Variants in IMMP2L observed in about 807,000 individuals in gnomAD.
IMMP2L encodes mitochondrial inner membrane protease subunit 2.
IMMP2L carries 18 observed loss-of-function variants against 19.3 expected under a neutral mutation model. The ratio of observed to expected loss-of-function variants is 0.93; its 90% CI spans 0.64 to 1.38. The LOEUF (loss-of-function observed/expected upper bound fraction) is 1.38, where lower values mean the gene tolerates loss of function less well. Ranked by LOEUF, IMMP2L falls within the 40% of genes most tolerant of loss-of-function variation. The probability of loss-of-function intolerance (pLI) is 0.00; values close to 1 mark genes in which losing one functional copy is unlikely to be tolerated. For missense variants in IMMP2L, 233 were observed against 218.2 expected, an observed-to-expected ratio of 1.07 and a Z score of -0.43; for synonymous variants, 76 against 73.0, an observed-to-expected ratio of 1.04 and a Z score of -0.21.
At position 110,870,475 on chromosome 7, in the gene IMMP2L, T is replaced by C. The variant is rs564757150; in HGVS notation, c.408+16118A>G. 6.6e-6 allele frequency among the ~76,000 whole-genome samples: 1 copy of C among 152,184 alleles called. No individual in the cohort carries two copies. The highest frequency in any genetic ancestry group is 6.5e-5 in the Admixed American group (1 of 15,274). On this transcript the variant is annotated intron_variant, in intron 5 of 5. Transcript: ENST00000405709. This position sits in a 1 kb window ranked among gnomAD's most constrained non-coding sequence, Gnocchi z 4.2. ...GACCTCATGAAGCTCAATTTTCTATTGGAGGAGATAAAAATATAAACATGA... is the reference window on the plus strand; with the variant it reads ...GACCTCATGAAGCTCAATTTTCTATCGGAGGAGATAAAAATATAAACATGA...
At chr7:110,749,193 G>T (rs534107121) in intron 5 of IMMP2L, among the ~76,000 whole-genome samples, 1 of 152,296 alleles carries the variant, frequency 6.6e-6, no homozygotes, top group South Asian at 2.1e-4. Flanking sequence ...AAACCACAAT[G>T]AGATACCATC....
chr7:111,489,805 A>C (rs1842944965), intron 2 of IMMP2L, among the ~76,000 whole-genome samples: 1 of 152,026 alleles, frequency 6.6e-6, no homozygotes, highest in South Asian at 2.1e-4. Flanking sequence ...CCTGCTACTC[A>C]TTTCACTTAA....
intron 3 of IMMP2L, among the ~76,000 whole-genome samples, chr7:111,134,824 A>T (rs1802181021): frequency 6.6e-6 from 1 of 152,054 alleles, no homozygotes; most frequent in Non-Finnish European, 1.5e-5. Context: ...ACCTGAATAT[A>T]CTCTAAAAAG....
At chr7:111,145,218 A>G (rs928071756) in intron 3 of IMMP2L, among the ~76,000 whole-genome samples, 2 of 152,146 alleles carry the variant, frequency 1.3e-5, no homozygotes, top group African/African-American at 2.4e-5. Flanking sequence ...TTGGATCTTC[A>G]TCTAGCAAGA....
intron 4 of IMMP2L, among the ~76,000 whole-genome samples, chr7:110,948,399 T>C (rs1360968533): frequency 6.6e-6 from 1 of 152,210 alleles, no homozygotes; most frequent in Non-Finnish European, 1.5e-5. Flanking sequence ...ATTAAATTGC[T>C]TTTTTAAAAG....
intron 3 of IMMP2L, among the ~76,000 whole-genome samples, chr7:111,371,761 G>A (rs1830278825): frequency 6.6e-6 from 1 of 152,020 alleles, no homozygotes; most frequent in Non-Finnish European, 1.5e-5. Flanking sequence ...TAAAAGGTGT[G>A]AAGAGGTGGG....
chr7:111,308,666 A>G (rs1045025509), intron 3 of IMMP2L, among the ~76,000 whole-genome samples: 1 of 152,020 alleles, frequency 6.6e-6, no homozygotes, highest in Non-Finnish European at 1.5e-5. Flanking sequence ...CAAATGAGAA[A>G]AAAAAGTACC....
chr7:111,168,869 T>C (rs972461856), intron 3 of IMMP2L, among the ~76,000 whole-genome samples: 6 of 151,666 alleles, frequency 4.0e-5, no homozygotes, highest in African/African-American at 1.5e-4. Flanking sequence ...TTGCAAGGAG[T>C]ACCATAAGAA....
chr7:111,110,451 C>T (rs1340972009), intron 3 of IMMP2L, among the ~76,000 whole-genome samples: 1 of 152,076 alleles, frequency 6.6e-6, no homozygotes, highest in African/African-American at 2.4e-5. Context: ...GGAATGATCA[C>T]AAATATAGAT....
At chr7:111,016,805 T>G in intron 3 of IMMP2L, among the ~76,000 whole-genome samples, 1 of 51,738 alleles carries the variant, frequency 1.9e-5, no homozygotes, top group Non-Finnish European at 3.8e-5. Flanking sequence ...ATATATAATA[T>G]ATACTATATA....
At chr7:110,876,380 A>G in intron 5 of IMMP2L, among the ~76,000 whole-genome samples, 1 of 152,134 alleles carries the variant, frequency 6.6e-6, no homozygotes, top group East Asian at 1.9e-4. Flanking sequence ...TGACACTTTG[A>G]TGGAATATTT....
intron 2 of IMMP2L, among the ~76,000 whole-genome samples, chr7:111,510,437 T>C (rs942073193): frequency 6.6e-6 from 1 of 152,004 alleles, no homozygotes; most frequent in South Asian, 2.1e-4. Flanking sequence ...AGTATAGATA[T>C]CCTGTATATT....
intron 2 of IMMP2L, among the ~76,000 whole-genome samples, chr7:111,513,417 T>G (rs1845621020): frequency 6.6e-6 from 1 of 152,136 alleles, no homozygotes; most frequent in Admixed American, 6.5e-5. Context: ...AGATGTCACC[T>G]CATACCTGTT....
chr7:111,290,362 A>G (rs1250972591), intron 3 of IMMP2L, among the ~76,000 whole-genome samples: 2 of 152,196 alleles, frequency 1.3e-5, no homozygotes, highest in Non-Finnish European at 2.9e-5. Flanking sequence ...AATATTCTAA[A>G]TATATAGAAG....
At chr7:111,097,308 C>A (rs988412060) in intron 3 of IMMP2L, 2 of 151,822 alleles carry the variant, frequency 1.3e-5, no homozygotes, top group African/African-American at 4.8e-5. Flanking sequence ...TTGGGACTCA[C>A]AACACTTACA....
chr7:111,176,583 C>G (rs895343753), intron 3 of IMMP2L, among the ~76,000 whole-genome samples: 2 of 151,810 alleles, frequency 1.3e-5, no homozygotes, highest in African/African-American at 2.4e-5. Context: ...CAAATGAACT[C>G]ATGGAGATAG....
chr7:111,480,850 GTAT>G (rs1014427616), intron 3 of IMMP2L, among the ~76,000 whole-genome samples: 4 of 152,214 alleles, frequency 2.6e-5, no homozygotes, highest in African/African-American at 9.6e-5. Context: ...TCATTATTCA[GTAT>G]TATTATTACT....
intron 3 of IMMP2L, among the ~76,000 whole-genome samples, chr7:111,173,457 C>T (rs1362626426): frequency 1.3e-5 from 2 of 151,586 alleles, no homozygotes; most frequent in African/African-American, 4.8e-5. Context: ...TCTAAAGATG[C>T]TGAGAACGTT....
intron 5 of IMMP2L, among the ~76,000 whole-genome samples, chr7:110,744,215 G>A (rs943046585): frequency 6.6e-6 from 1 of 152,160 alleles, no homozygotes; most frequent in African/African-American, 2.4e-5. Context: ...TCTCTGAGCA[G>A]GGAATCTCTG....
Sources: gnomAD v4.1 joint callset for allele counts (sites outside exome capture counted in the v4.1 genomes callset) on GRCh38, gnomAD v4.1.1 for gene constraint, Gnocchi (gnomAD v3.1) non-coding constraint, MANE v1.5 for transcripts, NCBI Gene and HGNC (gene_info 2026-07-23, HGNC 2026-07-21) for gene names.